Variants in SOHLH2 observed in about 807,000 individuals in gnomAD.
The protein encoded by SOHLH2 is spermatogenesis and oogenesis specific basic helix-loop-helix 2.
Under a neutral mutation model 50.4 loss-of-function variants are expected in SOHLH2, and 22 were observed. That is an observed-to-expected ratio of 0.44 (90% CI 0.31 to 0.62). The LOEUF is 0.62. Among genes scored for constraint, SOHLH2 ranks in the 20% least tolerant of loss-of-function variants. The probability of loss-of-function intolerance (pLI) is 0.08; values close to 1 mark genes in which losing one functional copy is unlikely to be tolerated. For synonymous variants in SOHLH2, 185 were observed against 187.3 expected (o/e 0.99, Z 0.10); for missense variants, 412 against 504.4 (o/e 0.82, Z 1.76).
chr13:36,208,129 G>A (rs1216384077), intron 1 of SOHLH2, among the ~76,000 whole-genome samples: 1 of 152,170 alleles, frequency 6.6e-6, no homozygotes, highest in Non-Finnish European at 1.5e-5. Context: ...TAATAAATAT[G>A]TTAGTGGAGA....
At chr13:36,171,798 T>A (rs935430586) in intron 9 of SOHLH2, among the ~76,000 whole-genome samples, 6 of 152,220 alleles carry the variant, frequency 3.9e-5, no homozygotes, top group African/African-American at 1.2e-4. Context: ...CTACCCTTGA[T>A]AAATGATTAA....
intron 1 of SOHLH2, among the ~76,000 whole-genome samples, chr13:36,202,757 A>G (rs944014642): frequency 5.3e-5 from 8 of 152,228 alleles, no homozygotes; most frequent in African/African-American, 1.9e-4. Flanking sequence ...GGGGATGCTT[A>G]AATTAATGGA....
chr13:36,172,595 G>T (rs1235423617), intron 9 of SOHLH2, among the ~76,000 whole-genome samples: 1 of 152,212 alleles, frequency 6.6e-6, no homozygotes. Flanking sequence ...TTACAAGACT[G>T]TCTGGGCCAT....
chr13:36,195,235 G>A (rs533906204), intron 2 of SOHLH2, among the ~76,000 whole-genome samples: 38 of 152,316 alleles, frequency 2.5e-4, no homozygotes, highest in African/African-American at 7.5e-4. Flanking sequence ...AGGCTTCCAG[G>A]CAGACAACCC....
chr13:36,176,974 CTGTA>C (rs760916131), intron 6 of SOHLH2, among the ~76,000 whole-genome samples: 5 of 152,016 alleles, frequency 3.3e-5, no homozygotes, highest in Admixed American at 6.6e-5. Flanking sequence ...ATACATACAA[CTGTA>C]TGTATTTGAA....
At chr13:36,170,401 A>C in intron 10 of SOHLH2, 130 bp downstream of exon 10, 9 of 1,415,854 alleles carry the variant, frequency 6.4e-6, no homozygotes, top group Non-Finnish European at 8.4e-6. Flanking sequence ...TCATCAGGGT[A>C]GAGAGACTCA....
intron 1 of SOHLH2, among the ~76,000 whole-genome samples, chr13:36,210,843 A>T (rs1341525081): frequency 1.4e-5 from 2 of 147,764 alleles, no homozygotes; most frequent in African/African-American, 4.9e-5. Flanking sequence ...GAAATATGTA[A>T]TTTCTACAGT....
chr13:36,181,577 G>A lies in SOHLH2; in HGVS notation c.642-6708C>T, dbSNP rs189743585. ...AATACTTTATGACATCACATAAAAT[G>A]TATAACTGCAGAAGTTATGCAAGTG... On this transcript the variant is annotated intron_variant, in intron 6 of 10. Transcript: ENST00000379881. Among the ~76,000 whole-genome samples, 235 of 152,246 alleles carry A rather than the reference G, an allele frequency of 1.5e-3. 2 individuals carry two copies. The highest frequency in any genetic ancestry group is 5.4e-3 in the African/African-American group (223 of 41,556).
intron 9 of SOHLH2, 90 bp downstream of exon 9, chr13:36,173,602 T>C (rs1378063919): frequency 6.8e-7 from 1 of 1,478,390 alleles, no homozygotes; most frequent in South Asian, 1.1e-5. Flanking sequence ...CTGGATTCCC[T>C]GGTTATGGTG....
intron 2 of SOHLH2, among the ~76,000 whole-genome samples, chr13:36,196,496 G>T (rs144360065): frequency 2.0e-5 from 3 of 152,252 alleles, no homozygotes; most frequent in East Asian, 3.9e-4. Flanking sequence ...AATGAGGAAA[G>T]AGAGGTGAAA....
chr13:36,184,936 G>A lies in SOHLH2; in HGVS notation c.641+5010C>T, dbSNP rs538545414. On this transcript the variant is annotated intron_variant, in intron 6 of 10. Transcript: ENST00000379881. Reference sequence around the variant, plus strand: ...CCCTCCCCTTTCCCCTCAACCCCCCGACAGGCCCTGGTGTGCAATATTCCC... The same window carrying A: ...CCCTCCCCTTTCCCCTCAACCCCCCAACAGGCCCTGGTGTGCAATATTCCC... Among the ~76,000 whole-genome samples the A allele has an allele frequency of 6.0e-5, 9 of 151,252 alleles. No individual in the cohort carries two copies. The South Asian group carries it at 1.1e-3, about 18-fold the overall frequency.
At chr13:36,175,993 G>C (rs1460040001) in intron 6 of SOHLH2, among the ~76,000 whole-genome samples, 1 of 152,130 alleles carries the variant, frequency 6.6e-6, no homozygotes, top group Non-Finnish European at 1.5e-5. Flanking sequence ...AAACCCATTA[G>C]AGCAATATAT....
chr13:36,174,919 A>AT, intron 6 of SOHLH2, 50 bp from the exon 7 acceptor site: 1 of 1,526,212 alleles, frequency 6.6e-7, no homozygotes, highest in Non-Finnish European at 8.7e-7. Context: ...CATTGTCTTC[A>AT]TTGTACCCAA....
At chr13:36,198,171 G>A (rs1040105201) in intron 2 of SOHLH2, among the ~76,000 whole-genome samples, 20 of 152,190 alleles carry the variant, frequency 1.3e-4, no homozygotes, top group African/African-American at 4.8e-4. Context: ...CGGAGCAGAT[G>A]GAGCCACATC....
chr13:36,201,048 C>CAAAAAAAAAAAAAA (rs10660002), intron 2 of SOHLH2, among the ~76,000 whole-genome samples: 10 of 55,922 alleles, frequency 1.8e-4, no homozygotes, highest in East Asian at 1.1e-3. Flanking sequence ...GACTCTGCCT[C>CAAAAAAAAAAAAAA]AAAAAAAAAA....
intron 2 of SOHLH2, among the ~76,000 whole-genome samples, chr13:36,200,677 A>C (rs765490340): frequency 6.6e-6 from 1 of 152,154 alleles, no homozygotes; most frequent in Non-Finnish European, 1.5e-5. Context: ...ACCCTATCTA[A>C]ATACATCCTA....
chr13:36,203,178 A>G (rs775037680), intron 1 of SOHLH2, among the ~76,000 whole-genome samples: 3 of 152,180 alleles, frequency 2.0e-5, no homozygotes, highest in Non-Finnish European at 2.9e-5. Flanking sequence ...CTATCCTTCC[A>G]GATGATTTTT....
chr13:36,179,582 T>A (rs1053793029), intron 6 of SOHLH2, among the ~76,000 whole-genome samples: 2 of 152,038 alleles, frequency 1.3e-5, no homozygotes, highest in East Asian at 1.9e-4. Flanking sequence ...CTAATTTTTT[T>A]ATTTTTTTTT....
intron 6 of SOHLH2, among the ~76,000 whole-genome samples, chr13:36,185,170 A>T (rs1012297986): frequency 1.6e-4 from 25 of 151,742 alleles, no homozygotes; most frequent in Non-Finnish European, 2.1e-4. Context: ...CTTTTTTTTT[A>T]AAAAGCAAAG....
Sources: gnomAD v4.1 joint callset for allele counts (sites outside exome capture counted in the v4.1 genomes callset) on GRCh38, gnomAD v4.1.1 for gene constraint, MANE v1.5 for transcripts, NCBI Gene and HGNC (gene_info 2026-07-23, HGNC 2026-07-21) for gene names.